NGEF: variants seen among roughly 807,000 people sequenced by gnomAD.
The protein encoded by NGEF is ephexin-1.
In NGEF, 31 loss-of-function variants were observed where a neutral mutation model predicts 80.9. That is an observed-to-expected ratio of 0.38 (90% CI 0.29 to 0.52). NGEF has a LOEUF of 0.52. NGEF is among the 20% of genes least tolerant of loss of function. NGEF has a pLI of 0.84. For synonymous variants in NGEF, 371 were observed against 370.2 expected (o/e 1.00, Z -0.03); for missense variants, 709 against 926.2 (o/e 0.77, Z 3.04).
At chr2:232,891,176 C>A (rs537010307) in intron 8 of NGEF, among the ~76,000 whole-genome samples, 182 bp downstream of exon 8, 1 of 152,392 alleles carries the variant, frequency 6.6e-6, no homozygotes, top group African/African-American at 2.4e-5. Flanking sequence ...TCTCTCCCCT[C>A]TGCGATGGGC....
chr2:232,951,781 CAG>C (rs1693683729), intron 3 of NGEF, among the ~76,000 whole-genome samples: 1 of 152,178 alleles, frequency 6.6e-6, no homozygotes, highest in Non-Finnish European at 1.5e-5. Context: ...GGAGCAAAAC[CAG>C]TAATTTCTCC....
chr2:232,942,643 G>A (rs768624056), intron 3 of NGEF, among the ~76,000 whole-genome samples: 1 of 152,126 alleles, frequency 6.6e-6, no homozygotes, highest in Non-Finnish European at 1.5e-5. Context: ...TTGGGAGGCC[G>A]AGGTGGGTGG....
chr2:232,921,944 C>A (rs1366696676), intron 4 of NGEF, among the ~76,000 whole-genome samples: 1 of 152,132 alleles, frequency 6.6e-6, no homozygotes, highest in Non-Finnish European at 1.5e-5. Flanking sequence ...AGTGGGACGG[C>A]AGAGACCAGA....
At chr2:232,952,046 A>G (rs1003701216) in intron 3 of NGEF, among the ~76,000 whole-genome samples, 1 of 152,214 alleles carries the variant, frequency 6.6e-6, no homozygotes, top group Admixed American at 6.5e-5. Flanking sequence ...TAAAACGCAG[A>G]TCATCAAAAG....
At position 232,893,047 on chromosome 2, in the gene NGEF, G is replaced by A; in HGVS notation, c.993C>T (p.Phe331=). The A allele has an allele frequency of 6.2e-7, 1 of 1,610,766 alleles. No individual in the cohort carries two copies. Among genetic ancestry groups the A allele is most frequent in the Non-Finnish European group, 8.5e-7 (1 of 1,178,172 alleles). The change falls in exon 7 of 15, where the codon TTC becomes TTT. Residue 331 remains phenylalanine (F), a synonymous_variant. Coordinates refer to ENST00000264051, the MANE Select transcript of NGEF (RefSeq NM_019850.3). ...CCATCCGGTGCTCCAGCTCCAGGAG[G>A]AACCTACGAGAGGCAGCGGCTTGAG... is the stretch of plus-strand genomic sequence containing the variant. ...VLDVLAVSER[F]LLELEHRMEE... is the part of the protein sequence containing the mutation.
Position 232,974,727 on chromosome 2 carries a change from C to T in NGEF, c.164G>A (p.Cys55Tyr). Residue 55 changes from cysteine (C) to tyrosine (Y), a missense_variant, in exon 2 of 15, where the codon TGC (cysteine) becomes TAC (tyrosine). Cys to Tyr is a radical substitution (Grantham distance 194, BLOSUM62 -2). Around this residue, in one of 2 missense-constraint regions of NGEF, gnomAD observed 283 missense variants for 303.4 expected, o/e 0.93. Transcript: ENST00000264051. ...GGAATTTCTCTTAATTGGGATGTGG[C>T]AATGAGGCTCTTTGTCTTGGATATC... ...DQDIQDKEPHCHIPIKRNSIF... is the reference protein window; with the variant it reads ...DQDIQDKEPHYHIPIKRNSIF... 2 of 1,614,230 alleles carry T rather than the reference C, an allele frequency of 1.2e-6. No homozygotes were observed. Among genetic ancestry groups the T allele is most frequent in the Non-Finnish European group, 1.7e-6 (2 of 1,180,036 alleles).
intron 11 of NGEF, 26 bp from the exon 12 acceptor site, chr2:232,883,492 G>A (rs1169816236): frequency 1.1e-5 from 17 of 1,554,272 alleles, no homozygotes; most frequent in South Asian, 7.3e-5. Context: ...AAGGGCAGGC[G>A]TGTCAGCCCC....
intron 5 of NGEF, among the ~76,000 whole-genome samples, chr2:232,899,460 G>T (rs540082180): frequency 1.3e-5 from 2 of 152,146 alleles, no homozygotes; most frequent in African/African-American, 2.4e-5. Context: ...CTTTCTTCAG[G>T]CTCCTCTTTT....
intron 1 of NGEF, among the ~76,000 whole-genome samples, chr2:232,981,953 C>T (rs1574652096): frequency 2.0e-5 from 3 of 151,992 alleles, no homozygotes; most frequent in East Asian, 1.9e-4. Context: ...CCTTGGAGCT[C>T]GCAGGGGCCA....
chr2:232,933,399 G>T (rs1267675115), intron 3 of NGEF, among the ~76,000 whole-genome samples: 1 of 152,048 alleles, frequency 6.6e-6, no homozygotes, highest in African/African-American at 2.4e-5. Context: ...TGTACTTCCT[G>T]TCACCCAGTG....
Position 233,001,951 on chromosome 2 carries a change from G to T in NGEF, c.-75+11117C>A, listed in dbSNP as rs543607686. On this transcript the variant is annotated intron_variant, in intron 1 of 14. Transcript: ENST00000264051. ...AATTGCTTGAACCCGGGAGACGGAG[G>T]TTGCCCTGAACCATTGCACTCCAGC... is the stretch of plus-strand genomic sequence containing the variant. Among the ~76,000 whole-genome samples, 62 of 152,176 alleles carry T rather than the reference G, an allele frequency of 4.1e-4. 1 individual carries two copies. In the South Asian group the frequency reaches 0.012, roughly 29 times the overall value.
chr2:233,005,552 T>C lies in NGEF; in HGVS notation c.-75+7516A>G, dbSNP rs766488677. On this transcript the variant is annotated intron_variant, in intron 1 of 14. Coordinates refer to ENST00000264051, the MANE Select transcript of NGEF (RefSeq NM_019850.3). The stretch of plus-strand genomic sequence containing the variant: ...TCCCAGATTACTCAGGTGGATGCAG[T>C]ATATTCACAAGGCTCCTTATAAGAG... 9.0e-3 allele frequency among the ~76,000 whole-genome samples: 1,365 copies of C among 152,302 alleles called. 15 individuals are homozygous for C. The highest frequency in any genetic ancestry group is 0.024 in the African/African-American group (1,011 of 41,566).
At position 232,926,614 on chromosome 2, in the gene NGEF, C is replaced by T. The variant is rs188226716; in HGVS notation, c.526+430G>A. 1.6e-4 allele frequency among the ~76,000 whole-genome samples: 24 copies of T among 152,280 alleles called. No individual in the cohort carries two copies. The East Asian group carries it at 4.6e-3, about 29-fold the overall frequency. On this transcript the variant is annotated intron_variant, in intron 4 of 14. Transcript: ENST00000264051. ...CGCACCAGGCTTTTCCCAGAACCCC[C>T]CTTCACACGCCTCCTCCTCTAGCCC... is the stretch of plus-strand genomic sequence containing the variant.
chr2:232,884,282 C>G (rs1050491575), intron 10 of NGEF, 138 bp from the exon 11 acceptor site: 4 of 960,200 alleles, frequency 4.2e-6, no homozygotes, highest in Admixed American at 5.9e-5. Flanking sequence ...GGGGGAAAGG[C>G]CGAGTTCTGG....
chr2:232,966,713 A>G (rs1694067634), intron 3 of NGEF, among the ~76,000 whole-genome samples: 1 of 152,094 alleles, frequency 6.6e-6, no homozygotes, highest in African/African-American at 2.4e-5. Flanking sequence ...TTATGTACCA[A>G]TTGGCAGAGA....
chr2:232,996,786 C>T (rs188444349), intron 1 of NGEF, among the ~76,000 whole-genome samples: 30 of 152,086 alleles, frequency 2.0e-4, no homozygotes, highest in Admixed American at 5.2e-4. Context: ...TGAGCCACAG[C>T]GCCTGGCATC....
intron 3 of NGEF, among the ~76,000 whole-genome samples, chr2:232,929,728 A>T (rs910435168): frequency 6.6e-6 from 1 of 152,044 alleles, no homozygotes; most frequent in African/African-American, 2.4e-5. Context: ...TGGCCATCCC[A>T]CATCTTAGGC....
chr2:232,931,410 G>A (rs778264169), intron 3 of NGEF, among the ~76,000 whole-genome samples: 1 of 152,226 alleles, frequency 6.6e-6, no homozygotes, highest in Non-Finnish European at 1.5e-5. Context: ...TCTGGGCAAA[G>A]TGTCTAAGGA....
chr2:232,900,000 T>G (rs1229713362), intron 5 of NGEF, among the ~76,000 whole-genome samples: 1,777 of 111,810 alleles, frequency 0.016, 156 homozygotes, highest in African/African-American at 0.068. Context: ...TCACACACGC[T>G]CTCACAGTCA....
Sources: gnomAD v4.1 joint callset for allele counts (sites outside exome capture counted in the v4.1 genomes callset) on GRCh38, gnomAD v4.1.1 for gene constraint, gnomAD v4.1.1 regional missense constraint, MANE v1.5 for transcripts, NCBI Gene and HGNC (gene_info 2026-07-23, HGNC 2026-07-21) for gene names.